Variants in ARSB observed in about 807,000 individuals in gnomAD.
ARSB encodes arylsulfatase B, also known as N-acetylgalactosamine-4-sulfatase.
ARSB carries 41 observed loss-of-function variants against 50.9 expected under a neutral mutation model. That is an observed-to-expected ratio of 0.81 (90% CI 0.63 to 1.04). The LOEUF is 1.04. Among genes scored for constraint, ARSB ranks in the 50% least tolerant of loss-of-function variants. The probability of loss-of-function intolerance (pLI) is 0.00; values close to 1 mark genes in which losing one functional copy is unlikely to be tolerated. For missense variants in ARSB, 672 were observed against 693.3 expected (o/e 0.97, Z 0.35); for synonymous variants, 269 against 284.8 (o/e 0.94, Z 0.56).
Position 78,815,187 on chromosome 5 carries a change from G to A in ARSB, c.1213+24169C>T, listed in dbSNP as rs188126881. On this transcript the variant is annotated intron_variant, in intron 6 of 7. Coordinates refer to ENST00000264914, the MANE Select transcript of ARSB (RefSeq NM_000046.5). ...TAAAGAGATTGCTTATTTTCTAGTC[G>A]CATGGTTGCTGAATAAGGCAAACGA... Among the ~76,000 whole-genome samples, 21 of 150,800 alleles carry A rather than the reference G, an allele frequency of 1.4e-4. 1 individual carries two copies. In the East Asian group the frequency reaches 3.3e-3, roughly 24 times the overall value.
intron 5 of ARSB, among the ~76,000 whole-genome samples, chr5:78,846,878 C>T (rs917248025): frequency 6.6e-6 from 1 of 152,084 alleles, no homozygotes; most frequent in African/African-American, 2.4e-5. Context: ...GCGATGTTTG[C>T]TATGGGCTTA....
chr5:78,926,522 G>A (rs1025774914), intron 4 of ARSB, among the ~76,000 whole-genome samples: 2 of 152,066 alleles, frequency 1.3e-5, no homozygotes, highest in African/African-American at 4.8e-5. Context: ...GTCACTGGGA[G>A]GCAATACCCT....
chr5:78,957,166 A>C (rs773973270), intron 3 of ARSB, among the ~76,000 whole-genome samples: 1 of 146,220 alleles, frequency 6.8e-6, no homozygotes, highest in South Asian at 2.1e-4. Flanking sequence ...TAATGAGTTG[A>C]AAAGCCTCAA....
At chr5:78,880,108 A>G (rs1747677078) in intron 5 of ARSB, among the ~76,000 whole-genome samples, 1 of 152,154 alleles carries the variant, frequency 6.6e-6, no homozygotes, top group Non-Finnish European at 1.5e-5. Flanking sequence ...CCTGTTCCAT[A>G]AGAGATTGGC....
At chr5:78,931,126 T>C (rs981187657) in intron 4 of ARSB, among the ~76,000 whole-genome samples, 2 of 152,198 alleles carry the variant, frequency 1.3e-5, no homozygotes, top group African/African-American at 2.4e-5. Flanking sequence ...GATACAAATA[T>C]ATTGCACACA....
chr5:78,849,895 T>C (rs946852776), intron 5 of ARSB, among the ~76,000 whole-genome samples: 1 of 150,876 alleles, frequency 6.6e-6, no homozygotes, highest in Non-Finnish European at 1.5e-5. Flanking sequence ...TGCTTGTGAT[T>C]TTTGTACATT....
chr5:78,870,991 A>C (rs1470529801), intron 5 of ARSB, among the ~76,000 whole-genome samples: 1 of 151,824 alleles, frequency 6.6e-6, no homozygotes, highest in African/African-American at 2.4e-5. Context: ...ATCAATATAC[A>C]AAAATCACAA....
chr5:78,846,892 T>C (rs1425514666), intron 5 of ARSB, among the ~76,000 whole-genome samples: 1 of 152,224 alleles, frequency 6.6e-6, no homozygotes, highest in African/African-American at 2.4e-5. Flanking sequence ...GGGCTTATGA[T>C]ATATGGCCTT....
At chr5:78,799,614 G>A (rs969261012) in intron 6 of ARSB, among the ~76,000 whole-genome samples, 5 of 152,206 alleles carry the variant, frequency 3.3e-5, no homozygotes, top group East Asian at 3.9e-4. Context: ...CAATTAAGAC[G>A]GGGAGAAAAA....
intron 4 of ARSB, among the ~76,000 whole-genome samples, chr5:78,929,342 A>C (rs763446845): frequency 1.6e-4 from 25 of 152,134 alleles, no homozygotes; most frequent in Non-Finnish European, 3.4e-4. Context: ...AGGAATCAAC[A>C]CAGTCTTTAC....
At chr5:78,930,170 T>G (rs1750256418) in intron 4 of ARSB, among the ~76,000 whole-genome samples, 1 of 152,166 alleles carries the variant, frequency 6.6e-6, no homozygotes, top group South Asian at 2.1e-4. Flanking sequence ...AGTGGGAGTT[T>G]AAAATGGCAA....
chr5:78,808,810 G>A, intron 6 of ARSB, among the ~76,000 whole-genome samples: 1 of 152,192 alleles, frequency 6.6e-6, no homozygotes, highest in East Asian at 1.9e-4. Context: ...CAGTGATGCT[G>A]GAGGGACACA....
intron 5 of ARSB, among the ~76,000 whole-genome samples, chr5:78,871,865 C>G (rs1365173538): frequency 7.2e-6 from 1 of 138,810 alleles, no homozygotes; most frequent in African/African-American, 2.5e-5. Flanking sequence ...AAACTACCAT[C>G]AGAGTGAACA....
chr5:78,816,479 C>T (rs191922392), intron 6 of ARSB, among the ~76,000 whole-genome samples: 3 of 152,290 alleles, frequency 2.0e-5, no homozygotes, highest in African/African-American at 7.2e-5. Context: ...ATTCCAAGGT[C>T]AGGTGGAACC....
chr5:78,901,593 G>A (rs909501019), intron 4 of ARSB, among the ~76,000 whole-genome samples: 12 of 126,896 alleles, frequency 9.5e-5, no homozygotes, highest in Admixed American at 1.6e-4. Context: ...TGATATCTAC[G>A]TTAAAAAAAA....
intron 4 of ARSB, among the ~76,000 whole-genome samples, chr5:78,943,958 A>T (rs1206649790): frequency 6.6e-6 from 1 of 152,140 alleles, no homozygotes; most frequent in Non-Finnish European, 1.5e-5. Context: ...CCCATATTTC[A>T]TGGAGGCTTT....
chr5:78,857,880 C>T (rs748038087), intron 5 of ARSB, among the ~76,000 whole-genome samples: 1 of 152,198 alleles, frequency 6.6e-6, no homozygotes, highest in Non-Finnish European at 1.5e-5. Context: ...TTTGTTTTGG[C>T]TAGGCTAGTT....
Position 78,839,422 on chromosome 5 carries a change from C to G in ARSB, c.1147G>C (p.Gly383Arg), listed in dbSNP as rs1381916170. The G allele has an allele frequency of 6.8e-6, 11 of 1,613,318 alleles. No individual in the cohort carries two copies. The highest frequency in any genetic ancestry group is 9.3e-6 in the Non-Finnish European group (11 of 1,179,544). The part of the protein sequence containing the change: ...GFDVWKTISE[G>R]SPSPRIELLH... The stretch of plus-strand genomic sequence containing the variant: ...AGCTCAATTCTGGGGGATGGGCTTC[C>G]TTCACTGGAAAACAATTTTTAAGGG... The change falls in exon 6 of 8, where the codon GGA (glycine) becomes CGA (arginine). Residue 383 changes from glycine (G) to arginine (R), a missense_variant. Coordinates refer to ENST00000264914, the MANE Select transcript of ARSB (RefSeq NM_000046.5).
intron 3 of ARSB, among the ~76,000 whole-genome samples, chr5:78,961,400 G>T (rs1009489434): frequency 6.6e-6 from 1 of 152,140 alleles, no homozygotes; most frequent in Non-Finnish European, 1.5e-5. Context: ...TGGGAATGCT[G>T]GATACTGCTA....
Sources: gnomAD v4.1 joint callset for allele counts (sites outside exome capture counted in the v4.1 genomes callset) on GRCh38, gnomAD v4.1.1 for gene constraint, MANE v1.5 for transcripts, NCBI Gene and HGNC (gene_info 2026-07-23, HGNC 2026-07-21) for gene names.